The following ATG16L2 variants were observed in gnomAD, a reference collection of about 807,000 sequenced individuals.
ATG16L2 encodes the protein protein Atg16l2.
A neutral mutation model predicts 84.7 loss-of-function variants in ATG16L2; 77 were observed. That is an observed-to-expected ratio of 0.91 (90% CI 0.76 to 1.10). ATG16L2 has a LOEUF of 1.10. Ranked by LOEUF, ATG16L2 falls within the 50% of genes least tolerant of loss-of-function variation. The pLI is 0.00. For synonymous variants in ATG16L2, 361 were observed against 342.8 expected, an observed-to-expected ratio of 1.05 and a Z score of -0.59; for missense variants, 782 against 817.6, an observed-to-expected ratio of 0.96 and a Z score of 0.53.
In ATG16L2 at chr11:72,828,980, C is replaced by A. The variant is rs766135378; in HGVS notation, c.1768C>A (p.His590Asn). Residue 590 changes from histidine to asparagine, a missense_variant, in exon 17 of 18, where the codon CAT becomes AAT. Transcript: ENST00000321297. ...GKLESRLQGP[H>N]CAAVNAVAWC... Reference sequence around the variant, plus strand: ...ACTGGAGAGCAGACTACAGGGACCCCATTGGTGAGCATGGCCTCCACCTGG... The same window carrying A: ...ACTGGAGAGCAGACTACAGGGACCCAATTGGTGAGCATGGCCTCCACCTGG... 1 of 1,614,020 alleles carries A rather than the reference C, an allele frequency of 6.2e-7. No individual in the cohort carries two copies. Among genetic ancestry groups the A allele is most frequent in the South Asian group, 1.1e-5 (1 of 91,070 alleles).
At chr11:72,838,224 TA>T (rs907602531) in intron 5 of ATG16L2, 12 of 153,086 alleles carry the variant, frequency 7.8e-5, no homozygotes, top group African/African-American at 2.9e-4. Flanking sequence ...CAATTGGTGC[TA>T]AATTCAGGGC....
rs760772829 is a variant in ATG16L2, at chr11:72,838,859, G to A, written c.*22-3758G>A. On this transcript the variant is annotated intron_variant, in intron 5 of 5. Transcript: ENST00000534905. ...CTTCGGTGATTCTGTGTAGGTGGAG[G>A]GGGAGCTGCCCGGACCTGAGCAGGA... 18 of 1,607,530 alleles carry A rather than the reference G, an allele frequency of 1.1e-5. No homozygotes were observed. Among genetic ancestry groups the A allele is most frequent in the Non-Finnish European group, 1.5e-5 (18 of 1,177,870 alleles).
At chr11:72,818,272 C>T in intron 3 of ATG16L2, 3 of 166,564 alleles carry the variant, frequency 1.8e-5, no homozygotes, top group Admixed American at 1.7e-4. Context: ...ACACTACCGC[C>T]TTCCCTGCCC....
At chr11:72,820,732 C>T (rs934445982) in intron 3 of ATG16L2, among the ~76,000 whole-genome samples, 4 of 152,118 alleles carry the variant, frequency 2.6e-5, no homozygotes, top group East Asian at 1.9e-4. Context: ...CAACAAGAGC[C>T]CCCAGCCTTG....
chr11:72,816,683 T>C (rs1565258665), intron 1 of ATG16L2, 45 bp from the exon 2 acceptor site: 2 of 1,490,242 alleles, frequency 1.3e-6, no homozygotes, highest in East Asian at 4.5e-5. Flanking sequence ...AGGGGGCTGC[T>C]GGGTATCTGT....
chr11:72,824,682 C>T, intron 8 of ATG16L2, 52 bp from the exon 9 acceptor site: 1 of 1,395,654 alleles, frequency 7.2e-7, no homozygotes, highest in African/African-American at 1.4e-5. Flanking sequence ...GAGGCTCCCA[C>T]CTGAGAAGGA....
chr11:72,834,504 T>C (rs1249106109), downstream of ATG16L2, among the ~76,000 whole-genome samples: 3 of 152,148 alleles, frequency 2.0e-5, no homozygotes, highest in Non-Finnish European at 4.4e-5. Context: ...ACCTTTTTTG[T>C]GTGATGTTCT....
chr11:72,815,842 G>A (rs1024023544), intron 1 of ATG16L2: 2 of 152,370 alleles, frequency 1.3e-5, no homozygotes, highest in Middle Eastern at 3.4e-3. Flanking sequence ...TGAGAAAAGA[G>A]GAAGTGACTG....
At chr11:72,826,410 G>C in intron 11 of ATG16L2, 108 bp from the exon 12 acceptor site, 6 of 1,491,302 alleles carry the variant, frequency 4.0e-6, no homozygotes, top group Non-Finnish European at 5.5e-6. Context: ...TGCCTGCCTT[G>C]GTGACCTGGG....
chr11:72,821,671 G>A lies in ATG16L2; in HGVS notation c.322G>A (p.Ala108Thr), dbSNP rs1447746468. Residue 108 changes from alanine (A) to threonine (T), a missense_variant, in exon 4 of 18, where the codon GCC becomes ACC. Transcript: ENST00000321297. ...GTGCCCACCTGTCCGCCCCCAGATGGCCTACCAGGTGGTGGAGAAGGGCGC... is the reference window on the plus strand; with the variant it reads ...GTGCCCACCTGTCCGCCCCCAGATGACCTACCAGGTGGTGGAGAAGGGCGC... Reference protein sequence around the residue: ...EGLRLVCGEMAYQVVEKGAAL... With the variant: ...EGLRLVCGEMTYQVVEKGAAL... 1 of 1,535,944 alleles carries A rather than the reference G, an allele frequency of 6.5e-7. No homozygotes were observed.
At position 72,822,311 on chromosome 11, in the gene ATG16L2, C is replaced by A; in HGVS notation, c.644+16C>A. 6.6e-7 allele frequency: 1 copy of A among 1,520,126 alleles called. No individual in the cohort carries two copies. 94.2% of individuals were successfully genotyped at this position (1,520,126 alleles called of 1,614,324 possible). On this transcript the variant is annotated intron_variant, in intron 5 of 17. Coordinates refer to ENST00000321297, the MANE Select transcript of ATG16L2 (RefSeq NM_033388.2). The surrounding 1 kb of genome is among the most constrained non-coding windows in gnomAD (Gnocchi z 4.2). Reference sequence around the variant, plus strand: ...GCCGGGAGCGGTGAGGGAGCAGGCCCCGCCCCTCCTGAGGAAAGGCCCCGC... The same window carrying A: ...GCCGGGAGCGGTGAGGGAGCAGGCCACGCCCCTCCTGAGGAAAGGCCCCGC...
chr11:72,830,488 G>C (rs569222004), downstream of ATG16L2, among the ~76,000 whole-genome samples: 1 of 152,010 alleles, frequency 6.6e-6, no homozygotes, highest in African/African-American at 2.4e-5. Context: ...AGTGACTTTT[G>C]TTGTTGTTGT....
intron 4 of ATG16L2, 65 bp downstream of exon 4, chr11:72,821,806 G>C (rs1434926591): frequency 6.6e-6 from 10 of 1,504,554 alleles, no homozygotes; most frequent in South Asian, 1.2e-5. Context: ...CCAACTATAC[G>C]GGAGGCGGGG....
At chr11:72,840,509 T>C (rs1860889539) in intron 5 of ATG16L2, among the ~76,000 whole-genome samples, 1 of 152,184 alleles carries the variant, frequency 6.6e-6, no homozygotes, top group Non-Finnish European at 1.5e-5. Context: ...TAGCTTATTA[T>C]TTCATCTTGG....
chr11:72,827,341 G>C, intron 14 of ATG16L2, 48 bp downstream of exon 14: 2 of 1,462,472 alleles, frequency 1.4e-6, no homozygotes, highest in Non-Finnish European at 1.9e-6. Flanking sequence ...TGGGGACAGG[G>C]CTCCCAAGTT....
At position 72,826,691 on chromosome 11, in the gene ATG16L2, G is replaced by A. The variant is rs774746234; in HGVS notation, c.1246-12G>A. ...GCCAAACTCTTGATCCGTACCTGGGGCCGGGGTACAGGAGACACTGTCTGG... is the reference window on the plus strand; with the variant it reads ...GCCAAACTCTTGATCCGTACCTGGGACCGGGGTACAGGAGACACTGTCTGG... On this transcript the variant is annotated splice_polypyrimidine_tract_variant and intron_variant, in intron 12 of 17. Coordinates refer to ENST00000321297, the MANE Select transcript of ATG16L2 (RefSeq NM_033388.2). 1.2e-6 allele frequency: 2 copies of A among 1,614,144 alleles called. No homozygotes were observed. The highest frequency in any genetic ancestry group is 2.2e-5 in the East Asian group (1 of 44,882).
intron 7 of ATG16L2, chr11:72,823,352 C>A: frequency 3.0e-6 from 1 of 334,990 alleles, no homozygotes; most frequent in South Asian, 2.5e-5. Context: ...CAGGTGTGTA[C>A]AAGCTTGACT....
At chr11:72,832,540 A>T (rs1225364790), downstream of ATG16L2, among the ~76,000 whole-genome samples, 2 of 152,212 alleles carry the variant, frequency 1.3e-5, no homozygotes, top group Non-Finnish European at 1.5e-5. Context: ...CAGCCTCTTC[A>T]GTCCCGTTCA....
At chr11:72,820,276 C>T (rs1859918709) in intron 3 of ATG16L2, 1 of 152,128 alleles carries the variant, frequency 6.6e-6, no homozygotes, top group South Asian at 2.1e-4. Context: ...TGTCCTTTGT[C>T]ATTTTATCAC....
Sources: gnomAD v4.1 joint callset for allele counts (sites outside exome capture counted in the v4.1 genomes callset) on GRCh38, gnomAD v4.1.1 for gene constraint, Gnocchi (gnomAD v3.1) non-coding constraint, MANE v1.5 for transcripts, NCBI Gene and HGNC (gene_info 2026-07-23, HGNC 2026-07-21) for gene names.